The following ACTR3C variants were observed in gnomAD, a reference collection of about 807,000 sequenced individuals.
The protein encoded by ACTR3C is actin-related protein 3C.
In ACTR3C, 18 loss-of-function variants were observed where a neutral mutation model predicts 26.3. That is an observed-to-expected ratio of 0.68 (90% CI 0.47 to 1.01). The LOEUF (loss-of-function observed/expected upper bound fraction) is 1.01. Ranked by LOEUF, ACTR3C falls within the 50% of genes least tolerant of loss-of-function variation. The pLI, the probability that ACTR3C is intolerant of heterozygous loss-of-function variation, is 0.00. For missense variants in ACTR3C, 184 were observed against 250.7 expected, an observed-to-expected ratio of 0.73 and a Z score of 1.80; for synonymous variants, 55 against 94.5, an observed-to-expected ratio of 0.58 and a Z score of 2.42.
At chr7:150,025,598 T>C in the ACTR3C span, among the ~76,000 whole-genome samples, 2 of 151,962 alleles carry the variant, frequency 1.3e-5, no homozygotes, top group African/African-American at 4.8e-5. Context: ...AGGCTTAGTA[T>C]AAAATATGGG....
the ACTR3C span, among the ~76,000 whole-genome samples, chr7:150,178,912 T>C: frequency 6.6e-6 from 1 of 150,464 alleles, no homozygotes; most frequent in Non-Finnish European, 1.5e-5. Context: ...GTTCAGAAAG[T>C]CTACAGACTA....
the ACTR3C span, among the ~76,000 whole-genome samples, chr7:149,907,556 C>T: frequency 6.7e-6 from 1 of 149,094 alleles, no homozygotes; most frequent in Non-Finnish European, 1.5e-5. Flanking sequence ...TTTACTCCCA[C>T]CTCTTTGACA....
chr7:149,899,538 C>G, the ACTR3C span, among the ~76,000 whole-genome samples: 3 of 140,424 alleles, frequency 2.1e-5, no homozygotes, highest in Non-Finnish European at 3.1e-5. Context: ...AAACACTGAA[C>G]TTGAAGACAG....
chr7:150,273,316 C>T lies in ACTR3C; in HGVS notation c.564+11437G>A, dbSNP rs180892359. ...TTTTTGAAATAGGGTGTCCCTTTGT[C>T]GCTAAGGCTGGAGCGCAGTGGTGCA... On this transcript the variant is annotated intron_variant, in intron 6 of 7. Coordinates refer to ENST00000683684, the MANE Select transcript of ACTR3C (RefSeq NM_001164458.2). 5.0e-3 allele frequency among the ~76,000 whole-genome samples: 690 copies of T among 137,722 alleles called. 6 individuals are homozygous for T. Among genetic ancestry groups the T allele is most frequent in the African/African-American group, 0.02 (620 of 31,062 alleles). 90.4% of individuals were successfully genotyped at this position (137,722 alleles called of 152,430 possible).
the ACTR3C span, among the ~76,000 whole-genome samples, chr7:150,109,446 G>A: frequency 1.1e-3 from 162 of 151,838 alleles, 6 homozygotes; most frequent in South Asian, 0.032. Flanking sequence ...AATGAGAGAG[G>A]CAGGCCAGAG....
the ACTR3C span, among the ~76,000 whole-genome samples, chr7:149,955,205 A>G: frequency 6.6e-6 from 1 of 152,252 alleles, no homozygotes; most frequent in Non-Finnish European, 1.5e-5. Context: ...CACCATCTGC[A>G]TGAGCTGCGT....
the ACTR3C span, among the ~76,000 whole-genome samples, chr7:150,196,540 T>C: frequency 2.6e-4 from 39 of 152,236 alleles, no homozygotes; most frequent in African/African-American, 8.4e-4. Context: ...TTATTTTAAA[T>C]TATCTGTTAG....
At chr7:150,046,470 G>A in the ACTR3C span, among the ~76,000 whole-genome samples, 1 of 151,092 alleles carries the variant, frequency 6.6e-6, no homozygotes, top group Non-Finnish European at 1.5e-5. Flanking sequence ...GCAATGTACT[G>A]CCCTGGGTAC....
the ACTR3C span, among the ~76,000 whole-genome samples, chr7:150,025,932 A>G: frequency 0.57 from 85,923 of 151,878 alleles, 25,070 homozygotes; most frequent in Admixed American, 0.63. Context: ...GAAACACGTA[A>G]ATTCTCACCC....
the ACTR3C span, among the ~76,000 whole-genome samples, chr7:149,995,408 A>G: frequency 6.6e-6 from 1 of 152,246 alleles, no homozygotes; most frequent in Non-Finnish European, 1.5e-5. Flanking sequence ...GGAGAGGAGG[A>G]CAGGGGAAGG....
the ACTR3C span, among the ~76,000 whole-genome samples, chr7:149,959,583 G>C: frequency 6.6e-6 from 1 of 152,180 alleles, no homozygotes; most frequent in African/African-American, 2.4e-5. Context: ...AAGAGGGCTG[G>C]TTTCCAGCAG....
the ACTR3C span, among the ~76,000 whole-genome samples, chr7:150,153,030 T>C: frequency 6.6e-6 from 1 of 152,210 alleles, no homozygotes; most frequent in East Asian, 1.9e-4. Context: ...CTTCTCTCTT[T>C]TCTTCTTTAT....
downstream of ACTR3C, among the ~76,000 whole-genome samples, chr7:150,240,306 C>T (rs1165551401): frequency 6.6e-6 from 1 of 152,114 alleles, no homozygotes; most frequent in Admixed American, 6.5e-5. Flanking sequence ...TTTAATGATA[C>T]CAAATGGAAA....
At chr7:149,985,803 T>C in the ACTR3C span, among the ~76,000 whole-genome samples, 1 of 152,246 alleles carries the variant, frequency 6.6e-6, no homozygotes, top group African/African-American at 2.4e-5. Context: ...GATGCATTTT[T>C]AGGCTTGAGC....
At chr7:150,208,505 A>G in the ACTR3C span, among the ~76,000 whole-genome samples, 2 of 152,126 alleles carry the variant, frequency 1.3e-5, no homozygotes, top group East Asian at 3.9e-4. Context: ...GACATTTCAT[A>G]GAATACGCAA....
At chr7:149,927,028 A>G in the ACTR3C span, among the ~76,000 whole-genome samples, 9 of 151,890 alleles carry the variant, frequency 5.9e-5, no homozygotes, top group Admixed American at 5.9e-4. Flanking sequence ...ACCATGCTCT[A>G]AGACTCTGCA....
At chr7:150,236,103 G>A in the ACTR3C span, among the ~76,000 whole-genome samples, 27 of 152,176 alleles carry the variant, frequency 1.8e-4, no homozygotes, top group Admixed American at 1.3e-3. Context: ...GAGGGAGGCC[G>A]AAGCAATAAC....
chr7:150,048,102 TC>T, the ACTR3C span, among the ~76,000 whole-genome samples: 26 of 150,974 alleles, frequency 1.7e-4, no homozygotes, highest in Non-Finnish European at 1.3e-4. Flanking sequence ...CTCTGGCTGT[TC>T]TTTCTCTCTT....
At chr7:150,006,430 T>C in the ACTR3C span, among the ~76,000 whole-genome samples, 39 of 147,864 alleles carry the variant, frequency 2.6e-4, no homozygotes, top group East Asian at 1.6e-3. Flanking sequence ...ATCTCCTGAC[T>C]TTGTGATCCG....
Sources: gnomAD v4.1 joint callset for allele counts (sites outside exome capture counted in the v4.1 genomes callset) on GRCh38, gnomAD v4.1.1 for gene constraint, MANE v1.5 for transcripts, NCBI Gene and HGNC (gene_info 2026-07-23, HGNC 2026-07-21) for gene names.